Variants in BMP6 observed in about 807,000 individuals in gnomAD.
The protein encoded by BMP6 is bone morphogenetic protein 6, also known as VG-1-R.
A neutral mutation model predicts 54.1 loss-of-function variants in BMP6; 17 were observed. The observed-to-expected ratio is 0.31, with a 90% CI of 0.22 to 0.47. BMP6 has a LOEUF of 0.47. Among genes scored for constraint, BMP6 ranks in the 20% least tolerant of loss-of-function variants. The pLI is 1.00. For synonymous variants in BMP6, 328 were observed against 291.2 expected (o/e 1.13, Z -1.28); for missense variants, 720 against 690.4 (o/e 1.04, Z -0.48).
intron 1 of BMP6, among the ~76,000 whole-genome samples, chr6:7,787,569 T>G (rs1321243351): frequency 6.6e-6 from 1 of 152,208 alleles, no homozygotes; most frequent in East Asian, 1.9e-4. Flanking sequence ...TCTATTTGCT[T>G]GCAATCCTGT....
At chr6:7,762,652 T>G (rs541596558) in intron 1 of BMP6, among the ~76,000 whole-genome samples, 7 of 152,356 alleles carry the variant, frequency 4.6e-5, no homozygotes, top group African/African-American at 1.7e-4. Flanking sequence ...TTTCTAGCTC[T>G]GAACATAATT....
chr6:7,760,664 C>T (rs1197677855), intron 1 of BMP6, among the ~76,000 whole-genome samples: 2 of 152,154 alleles, frequency 1.3e-5, no homozygotes, highest in Non-Finnish European at 2.9e-5. Flanking sequence ...GATGGGGTTT[C>T]ACCATGTTAG....
intron 1 of BMP6, among the ~76,000 whole-genome samples, chr6:7,807,496 G>A (rs1758364374): frequency 1.3e-5 from 2 of 152,074 alleles, no homozygotes; most frequent in Non-Finnish European, 2.9e-5. Flanking sequence ...GGCCAGACTG[G>A]TCTCGAACTC....
At chr6:7,784,403 C>CTGTGTGTAGGCGTCTGAG (rs531589408) in intron 1 of BMP6, among the ~76,000 whole-genome samples, 22 of 151,438 alleles carry the variant, frequency 1.5e-4, no homozygotes, top group Middle Eastern at 3.4e-3. Context: ...CTCGATGGGT[C>CTGTGTGTAGGCGTCTGAG]TGTGTGTAGG....
chr6:7,764,200 G>T (rs1398956761), intron 1 of BMP6, among the ~76,000 whole-genome samples: 1 of 152,218 alleles, frequency 6.6e-6, no homozygotes, highest in African/African-American at 2.4e-5. Flanking sequence ...AATGATGAGT[G>T]TGGGAAGATT....
At chr6:7,734,202 A>G (rs1761918684) in intron 1 of BMP6, among the ~76,000 whole-genome samples, 1 of 152,232 alleles carries the variant, frequency 6.6e-6, no homozygotes, top group Non-Finnish European at 1.5e-5. Flanking sequence ...CCCCAGCAAC[A>G]GAAAACCCAT....
At position 7,726,891 on chromosome 6, in the gene BMP6, G is replaced by A. The variant is rs1293695444; in HGVS notation, c.-65G>A. The A allele has an allele frequency of 2.0e-6, 2 of 1,019,688 alleles. No individual in the cohort carries two copies. Among genetic ancestry groups the A allele is most frequent in the Non-Finnish European group, 2.4e-6 (2 of 849,048 alleles). The allele number at this position is 1,019,688 out of a possible 1,614,324, so 63.2% of individuals were successfully genotyped here. On this transcript the variant is annotated 5_prime_UTR_variant, in exon 1 of 7. Transcript: ENST00000283147. ...TCACGCCAAGGGCCACAGCGGCCGCGCTCCGGCCTCGCTCCGCCGCTCCAC... is the reference window on the plus strand; with the variant it reads ...TCACGCCAAGGGCCACAGCGGCCGCACTCCGGCCTCGCTCCGCCGCTCCAC...
intron 2 of BMP6, among the ~76,000 whole-genome samples, chr6:7,854,808 AAACT>A (rs1224562778): frequency 1.3e-5 from 2 of 150,988 alleles, no homozygotes; most frequent in Admixed American, 6.6e-5. Flanking sequence ...ATAAACAGAC[AAACT>A]AACTAAATAA....
At chr6:7,829,359 A>G (rs1758752926) in intron 1 of BMP6, among the ~76,000 whole-genome samples, 1 of 151,984 alleles carries the variant, frequency 6.6e-6, no homozygotes, top group Non-Finnish European at 1.5e-5. Context: ...GTAAGGGTGT[A>G]TATGAAGAAA....
intron 1 of BMP6, among the ~76,000 whole-genome samples, chr6:7,798,945 C>G (rs985302926): frequency 6.6e-6 from 1 of 152,148 alleles, no homozygotes; most frequent in Non-Finnish European, 1.5e-5. Flanking sequence ...TCTGGCAGGC[C>G]TAGGGAGATT....
chr6:7,869,062 C>T (rs1309969484), intron 4 of BMP6, among the ~76,000 whole-genome samples: 3 of 152,262 alleles, frequency 2.0e-5, no homozygotes, highest in African/African-American at 7.2e-5. Context: ...GCTGCCGTGA[C>T]TCAGGCGCAC....
chr6:7,844,097 A>G (rs1759020232), intron 1 of BMP6, among the ~76,000 whole-genome samples: 1 of 151,902 alleles, frequency 6.6e-6, no homozygotes, highest in African/African-American at 2.4e-5. Context: ...TGCTTCTGTG[A>G]GTTCCACTTT....
At chr6:7,860,837 A>G (rs1759321191) in intron 2 of BMP6, among the ~76,000 whole-genome samples, 1 of 152,186 alleles carries the variant, frequency 6.6e-6, no homozygotes, top group African/African-American at 2.4e-5. Flanking sequence ...GAAGATTTTC[A>G]GTCCCAATTT....
chr6:7,811,008 G>A (rs1758427993), intron 1 of BMP6, among the ~76,000 whole-genome samples: 1 of 152,224 alleles, frequency 6.6e-6, no homozygotes, highest in Non-Finnish European at 1.5e-5. Flanking sequence ...TGTAGGGCCT[G>A]ATAGGTACCC....
intron 2 of BMP6, among the ~76,000 whole-genome samples, chr6:7,857,448 G>A (rs1392813996): frequency 6.6e-6 from 1 of 152,186 alleles, no homozygotes; most frequent in Non-Finnish European, 1.5e-5. Context: ...GTCAATAACT[G>A]CATTAAAAAT....
At chr6:7,840,523 G>A (rs908879462) in intron 1 of BMP6, among the ~76,000 whole-genome samples, 1 of 152,070 alleles carries the variant, frequency 6.6e-6, no homozygotes, top group African/African-American at 2.4e-5. Context: ...TTGTTCCTAT[G>A]TGTTGGCCAA....
intron 2 of BMP6, among the ~76,000 whole-genome samples, chr6:7,852,568 A>G (rs936140295): frequency 1.3e-5 from 2 of 152,202 alleles, no homozygotes; most frequent in Non-Finnish European, 2.9e-5. Flanking sequence ...CAAAGCAAGA[A>G]CTTGTCTCAA....
At chr6:7,834,433 G>A (rs1758841532) in intron 1 of BMP6, among the ~76,000 whole-genome samples, 1 of 151,524 alleles carries the variant, frequency 6.6e-6, no homozygotes, top group African/African-American at 2.4e-5. Context: ...AATACAGAAA[G>A]AATGATAGTA....
intron 1 of BMP6, among the ~76,000 whole-genome samples, chr6:7,829,547 A>C (rs1171272543): frequency 6.6e-6 from 1 of 152,156 alleles, no homozygotes; most frequent in Non-Finnish European, 1.5e-5. Context: ...TTACAAAAAA[A>C]TAAAAAACAT....
Sources: allele counts gnomAD v4.1 joint callset (sites outside exome capture counted in the v4.1 genomes callset), GRCh38; gene constraint gnomAD v4.1.1; transcripts MANE v1.5; gene names NCBI Gene and HGNC (gene_info 2026-07-23, HGNC 2026-07-21).